Variants in PLEKHG5 observed in about 807,000 individuals in gnomAD.
PLEKHG5 encodes the protein pleckstrin homology and RhoGEF domain containing G5.
PLEKHG5 carries 52 observed loss-of-function variants against 103.8 expected under a neutral mutation model. The ratio of observed to expected loss-of-function variants is 0.50; its 90% CI spans 0.40 to 0.63. The LOEUF (loss-of-function observed/expected upper bound fraction) is 0.63. Among genes scored for constraint, PLEKHG5 ranks in the 30% least tolerant of loss-of-function variants. The pLI, the probability that PLEKHG5 is intolerant of heterozygous loss-of-function variation, is 0.00. For synonymous variants in PLEKHG5, 592 were observed against 575.5 expected, an observed-to-expected ratio of 1.03 and a Z score of -0.41; for missense variants, 1,205 against 1,347.6, an observed-to-expected ratio of 0.89 and a Z score of 1.66.
At chr1:6,484,690 C>T (rs541253345) in intron 1 of PLEKHG5, among the ~76,000 whole-genome samples, 3 of 152,300 alleles carry the variant, frequency 2.0e-5, no homozygotes, top group Admixed American at 2.0e-4. Context: ...TCAGACCCAA[C>T]TGCCCCTCCC....
chr1:6,478,924 G>A (rs11802475), intron 1 of PLEKHG5, among the ~76,000 whole-genome samples: 1,991 of 152,272 alleles, frequency 0.013, 49 homozygotes, highest in African/African-American at 0.045. Context: ...GATTACAGGC[G>A]TGAGCCACCG....
Position 6,470,884 on chromosome 1 carries a change from A to T in PLEKHG5, c.1393T>A (p.Trp465Arg). 1 of 1,530,608 alleles carries T rather than the reference A, an allele frequency of 6.5e-7. No homozygotes were observed. Among genetic ancestry groups the T allele is most frequent in the Non-Finnish European group, 8.7e-7 (1 of 1,143,678 alleles). The allele number at this position is 1,530,608 out of a possible 1,614,324, so 94.8% of individuals were successfully genotyped here. A position where few individuals can be genotyped will look rare whatever the true frequency, so the allele number is the denominator to read the frequency against. ...DNDLFRAYITWAEKHPQCQRL... is the reference protein window; with the variant it reads ...DNDLFRAYITRAEKHPQCQRL... ...TGGCACTGTGGGTGCTTCTCCGCCCACTGCGGTGGGGGAGTGGGGGCGGGC... is the reference window on the plus strand; with the variant it reads ...TGGCACTGTGGGTGCTTCTCCGCCCTCTGCGGTGGGGGAGTGGGGGCGGGC... The change falls in exon 14 of 21, where the codon TGG becomes AGG. Residue 465 changes from tryptophan (W) to arginine (R), a missense_variant and splice_region_variant. Transcript: ENST00000377728.
chr1:6,509,433 AGGGAGGACCCAAGCAG>A (rs1360467521), intron 1 of PLEKHG5, among the ~76,000 whole-genome samples: 1 of 152,218 alleles, frequency 6.6e-6, no homozygotes, highest in Non-Finnish European at 1.5e-5. Flanking sequence ...GTGCCAAGTG[AGGGAGGACCCAAGCAG>A]GGTCCACCCC....
At chr1:6,510,737 C>T (rs1638449083) in intron 1 of PLEKHG5, among the ~76,000 whole-genome samples, 1 of 152,182 alleles carries the variant, frequency 6.6e-6, no homozygotes, top group African/African-American at 2.4e-5. Flanking sequence ...AGTGTCAGCA[C>T]CTGTGGGAGG....
At chr1:6,516,454 C>G (rs1242611102) in intron 1 of PLEKHG5, among the ~76,000 whole-genome samples, 3 of 151,830 alleles carry the variant, frequency 2.0e-5, no homozygotes, top group Non-Finnish European at 4.4e-5. Flanking sequence ...GTCAGGAGTT[C>G]CAGACTAGCC....
chr1:6,485,276 C>T, intron 1 of PLEKHG5: 1 of 1,242,956 alleles, frequency 8.0e-7, no homozygotes, highest in Non-Finnish European at 1.0e-6. Flanking sequence ...CGGCTGCAGG[C>T]GAGAACTGGG....
chr1:6,467,980 G>A lies in PLEKHG5; in HGVS notation c.2856C>T (p.Ser952=), dbSNP rs759718802. The A allele has an allele frequency of 3.9e-6, 6 of 1,557,252 alleles. No homozygotes were observed. In the Admixed American group the frequency reaches 7.7e-5, roughly 20 times the overall value. The change falls in exon 20 of 21, where the codon TCC becomes TCT. Residue 952 remains serine (S), a synonymous_variant. Coordinates refer to ENST00000377728, the MANE Select transcript of PLEKHG5 (RefSeq NM_020631.6). ...VGCLAGEPAG[S]HRKRCGDLPS... is the part of the protein sequence containing the mutation. Reference sequence around the variant, plus strand: ...GCAGGTCTCCACACCTCTTCCTGTGGGAGCCTGCAGGTTCCCCGGCCAGGC... The same window carrying A: ...GCAGGTCTCCACACCTCTTCCTGTGAGAGCCTGCAGGTTCCCCGGCCAGGC...
chr1:6,493,539 A>C (rs1445317652), upstream of PLEKHG5, among the ~76,000 whole-genome samples: 2 of 152,344 alleles, frequency 1.3e-5, no homozygotes, highest in East Asian at 3.9e-4. Context: ...TCATGTGGTC[A>C]TAAGAATAAC....
At chr1:6,481,068 G>T (rs1644885025) in intron 1 of PLEKHG5, among the ~76,000 whole-genome samples, 1 of 152,070 alleles carries the variant, frequency 6.6e-6, no homozygotes, top group Non-Finnish European at 1.5e-5. Context: ...GCGTGCCACT[G>T]CCCAGCCACC....
chr1:6,502,397 T>A (rs1445182247), intron 1 of PLEKHG5, among the ~76,000 whole-genome samples: 2 of 152,238 alleles, frequency 1.3e-5, no homozygotes, highest in African/African-American at 2.4e-5. Context: ...GAACCACCGC[T>A]GGCGTAGTCC....
Position 6,502,730 on chromosome 1 carries a change from A to G in PLEKHG5, c.-164-6161T>C, listed in dbSNP as rs573519458. 7.2e-5 allele frequency among the ~76,000 whole-genome samples: 11 copies of G among 152,252 alleles called. No individual in the cohort carries two copies. In the South Asian group the frequency reaches 2.1e-3, roughly 29 times the overall value. On this transcript the variant is annotated intron_variant, in intron 1 of 21. Coordinates refer to the PLEKHG5 transcript ENST00000377740. ...CACTCCAAGCGCCAGTCCCACCCCC[A>G]TCACAGGCAGGGCTGGCATCGGCCC... is the stretch of plus-strand genomic sequence containing the variant.
intron 7 of PLEKHG5, 26 bp downstream of exon 7, chr1:6,473,987 C>G: frequency 2.0e-6 from 3 of 1,479,104 alleles, no homozygotes; most frequent in Non-Finnish European, 2.8e-6. Flanking sequence ...CCCACCCCCT[C>G]CCCTGACACA....
Position 6,468,181 on chromosome 1 carries a change from C to G in PLEKHG5, c.2655G>C (p.Leu885=), listed in dbSNP as rs1445173732. Reference sequence around the variant, plus strand: ...TCCCATGGGTGCCAGCCCCTGCCAGCAGCTGGAGGAGGCTGGCCTCGGACT... The same window carrying G: ...TCCCATGGGTGCCAGCCCCTGCCAGGAGCTGGAGGAGGCTGGCCTCGGACT... ...KSKSEASLLQ[L]LAGAGTHGTP... Residue 885 remains leucine (L), a synonymous_variant, in exon 20 of 21, where the codon CTG becomes CTC. Coordinates refer to ENST00000377728, the MANE Select transcript of PLEKHG5 (RefSeq NM_020631.6). 1 of 1,569,174 alleles carries G rather than the reference C, an allele frequency of 6.4e-7. No homozygotes were observed. Among genetic ancestry groups the G allele is most frequent in the South Asian group, 1.2e-5 (1 of 84,064 alleles).
Position 6,490,434 on chromosome 1 carries a change from C to G in PLEKHG5, c.-88+1203G>C. ...CGTCCGGAGCGCAGCTCCCACTTCC[C>G]CGCGACTCACCTAGGAACAGGACCA... On this transcript the variant is annotated intron_variant, in intron 1 of 20. Coordinates refer to ENST00000377728, the MANE Select transcript of PLEKHG5 (RefSeq NM_020631.6). This position sits in a 1 kb window ranked among gnomAD's most constrained non-coding sequence, Gnocchi z 8.0. 1.0e-6 allele frequency: 1 copy of G among 985,232 alleles called. No individual in the cohort carries two copies. Among genetic ancestry groups the G allele is most frequent in the Non-Finnish European group, 1.2e-6 (1 of 829,840 alleles). 61.0% of individuals were successfully genotyped at this position (985,232 alleles called of 1,614,324 possible).
At chr1:6,498,061 C>G, upstream of PLEKHG5, among the ~76,000 whole-genome samples, 1 of 151,968 alleles carries the variant, frequency 6.6e-6, no homozygotes, top group Admixed American at 6.6e-5. Context: ...TTCGTCTGCC[C>G]GGTCCTGTAG....
Position 6,475,933 on chromosome 1 carries a change from T to C in PLEKHG5, c.147A>G (p.Lys49=), listed in dbSNP as rs574609807. 1.6e-5 allele frequency: 25 copies of C among 1,612,882 alleles called. No homozygotes were observed. In the South Asian group the frequency reaches 2.6e-4, roughly 17 times the overall value. ...CTGCCCACTCATCCCTCACCTACCC[T>C]TTGCCATCCACAGAGCTCTCCTCCT... The part of the protein sequence containing the change: ...EEEEESSVDG[K]GDRKSTGLKL... Residue 49 remains lysine (K), a splice_region_variant and synonymous_variant, in exon 3 of 21, where the codon AAA becomes AAG. Transcript: ENST00000377728.
intron 5 of PLEKHG5, 141 bp from the exon 6 acceptor site, chr1:6,474,728 A>T: frequency 1.3e-6 from 1 of 783,784 alleles, no homozygotes. Context: ...CCCGCATGGG[A>T]TCACACGCAG....
At chr1:6,474,983 C>T (rs375276220) in intron 5 of PLEKHG5, 64 bp downstream of exon 5, 1 of 980,614 alleles carries the variant, frequency 1.0e-6, no homozygotes, top group East Asian at 2.4e-5. Context: ...AGACCCGGAG[C>T]CTGCAACATG....
intron 5 of PLEKHG5, 187 bp from the exon 6 acceptor site, chr1:6,474,774 G>A (rs1020080123): frequency 7.9e-5 from 54 of 681,010 alleles, no homozygotes; most frequent in Middle Eastern, 3.8e-4. Context: ...TGCTCACACA[G>A]GCGCATCTGC....
Sources: gnomAD v4.1 joint callset for allele counts (sites outside exome capture counted in the v4.1 genomes callset) on GRCh38, gnomAD v4.1.1 for gene constraint, Gnocchi (gnomAD v3.1) non-coding constraint, MANE v1.5 for transcripts, NCBI Gene and HGNC (gene_info 2026-07-23, HGNC 2026-07-21) for gene names.